Variants in ABCC4 observed in about 807,000 individuals in gnomAD.
ABCC4 encodes the protein ATP binding cassette subfamily C member 4 (PEL blood group).
In ABCC4, 102 loss-of-function variants were observed where a neutral mutation model predicts 168.5. The observed-to-expected ratio is 0.61, with a 90% CI of 0.52 to 0.71. The LOEUF (loss-of-function observed/expected upper bound fraction) is 0.71, where lower values mean the gene tolerates loss of function less well. ABCC4 is among the 30% of genes least tolerant of loss of function. ABCC4 has a pLI of 0.00. For missense variants in ABCC4, 1,402 were observed against 1,605.8 expected (o/e 0.87, Z 2.17); for synonymous variants, 617 against 590.7 (o/e 1.04, Z -0.65).
chr13:95,295,652 C>T (rs554330619), intron 1 of ABCC4, among the ~76,000 whole-genome samples: 36 of 150,190 alleles, frequency 2.4e-4, no homozygotes, highest in East Asian at 1.2e-3. Flanking sequence ...AGCAAGACTC[C>T]GTCCCCCGCC....
chr13:95,122,554 AG>A (rs892434857), intron 19 of ABCC4, among the ~76,000 whole-genome samples: 1 of 152,192 alleles, frequency 6.6e-6, no homozygotes, highest in African/African-American at 2.4e-5. Flanking sequence ...AGGAAAGAAG[AG>A]GTAGAAGAGA....
intron 27 of ABCC4, among the ~76,000 whole-genome samples, chr13:95,050,934 G>A (rs534028824): frequency 5.9e-5 from 9 of 152,256 alleles, no homozygotes; most frequent in African/African-American, 2.2e-4. Context: ...GAAACAAATA[G>A]AAAAACACTT....
chr13:95,058,594 A>AAAAAAAAAAAAAAAAAAG (rs2033163283), intron 26 of ABCC4, among the ~76,000 whole-genome samples: 5 of 41,422 alleles, frequency 1.2e-4, no homozygotes, highest in Non-Finnish European at 1.7e-4. Context: ...AAAAAAAAAG[A>AAAAAAAAAAAAAAAAAAG]AAAGAAAAAG....
chr13:95,073,259 G>A lies in ABCC4; in HGVS notation c.2963C>T (p.Thr988Met), dbSNP rs779443384. Residue 988 changes from threonine (T) to methionine (M), a missense_variant, in exon 24 of 31, where the codon ACG (threonine) becomes ATG (methionine). By Grantham distance (81) the Thr-to-Met change is moderately conservative. This residue lies in a region of ABCC4 where 1,007 missense variants were observed against 1,127.3 expected (regional missense o/e 0.89). Coordinates refer to ENST00000645237, the MANE Select transcript of ABCC4 (RefSeq NM_005845.5). ...QVGLALSYAL[T>M]LMGMFQWCVR... ...ACACCACTGAAACATCCCCATGAGC[G>A]TGAGGGCATAGGACAGTGCCAAACC... 226 of 1,613,750 alleles carry A rather than the reference G, an allele frequency of 1.4e-4. No individual in the cohort carries two copies. Among genetic ancestry groups the A allele is most frequent in the Non-Finnish European group, 1.8e-4 (218 of 1,179,898 alleles).
In ABCC4 at chr13:95,161,279, C is replaced by T. The variant is rs779403637; in HGVS notation, c.2365G>A (p.Val789Ile). ...GIARSLLVFYVLVNSSQTLHN... is the reference protein window; with the variant it reads ...GIARSLLVFYILVNSSQTLHN... ...AAAGTTTGTGAAGAGTTAACAAGGA[C>T]GTAGAATACCAATAGAGATCTTGCT... Residue 789 changes from valine (V) to isoleucine (I), a missense_variant, in exon 19 of 31, where the codon GTC (valine) becomes ATC (isoleucine). Coordinates refer to ENST00000645237, the MANE Select transcript of ABCC4 (RefSeq NM_005845.5). 1.2e-5 allele frequency: 19 copies of T among 1,608,566 alleles called. No homozygotes were observed. Among genetic ancestry groups the T allele is most frequent in the East Asian group, 4.5e-5 (2 of 44,682 alleles).
chr13:95,058,681 T>C (rs965295671), intron 26 of ABCC4, among the ~76,000 whole-genome samples: 4 of 149,814 alleles, frequency 2.7e-5, no homozygotes, highest in South Asian at 2.1e-4. Context: ...TGAAAAAAAA[T>C]TGAGCTGGAT....
At chr13:95,051,280 T>G (rs1006020297) in intron 27 of ABCC4, among the ~76,000 whole-genome samples, 4 of 152,242 alleles carry the variant, frequency 2.6e-5, no homozygotes, top group Admixed American at 6.5e-5. Flanking sequence ...GGCCTCCAAG[T>G]CTACTTGCTC....
chr13:95,238,184 A>G (rs2039828129), intron 3 of ABCC4, among the ~76,000 whole-genome samples: 1 of 133,178 alleles, frequency 7.5e-6, no homozygotes, highest in Non-Finnish European at 1.5e-5. Flanking sequence ...ACAGCACAAG[A>G]CTCCATCTCA....
intron 8 of ABCC4, among the ~76,000 whole-genome samples, chr13:95,196,599 A>C (rs1383999895): frequency 4.4e-4 from 3 of 6,894 alleles, no homozygotes; most frequent in African/African-American, 1.9e-3. Flanking sequence ...GAAGGAAGGA[A>C]GGAAGGAAGG....
chr13:95,293,028 C>T (rs577914337), intron 1 of ABCC4, among the ~76,000 whole-genome samples: 17 of 152,198 alleles, frequency 1.1e-4, no homozygotes, highest in African/African-American at 3.9e-4. Flanking sequence ...GGTGGTCATT[C>T]GCCACACGTC....
chr13:95,075,412 A>G lies in ABCC4; in HGVS notation c.2806+20T>C, dbSNP rs780666359. ...GCAGCAGATCCTGTCCTTTGAAACC[A>G]TTTCCAGAAATAGACAGACCTGAAT... On this transcript the variant is annotated intron_variant, in intron 22 of 30. Transcript: ENST00000645237. 4 of 1,613,770 alleles carry G rather than the reference A, an allele frequency of 2.5e-6. No individual in the cohort carries two copies. In the African/African-American group the frequency reaches 5.3e-5, roughly 22 times the overall value.
intron 21 of ABCC4, chr13:95,075,832 G>T: frequency 3.2e-6 from 1 of 310,826 alleles, no homozygotes; most frequent in Non-Finnish European, 5.9e-6. Flanking sequence ...TCCTAACTCA[G>T]CCTTCCAGGT....
At position 95,186,718 on chromosome 13, in the gene ABCC4, C is replaced by G; in HGVS notation, c.1528G>C (p.Ala510Pro). The G allele has an allele frequency of 6.2e-7, 1 of 1,613,798 alleles. No individual in the cohort carries two copies. The highest frequency in any genetic ancestry group is 1.1e-5 in the South Asian group (1 of 91,022). ...EKERYEKVIK[A>P]CALKKDLQLL... is the part of the protein sequence containing the mutation. ...TCACTCACCTTTTTCAGAGCACAAG[C>G]CTTTATGACTTTTTCATATCGTTCC... The change falls in exon 11 of 31, where the codon GCT becomes CCT. Residue 510 changes from alanine (A) to proline (P), a missense_variant. This residue lies in a region of ABCC4 where 1,007 missense variants were observed against 1,127.3 expected (regional missense o/e 0.89). Transcript: ENST00000645237.
Position 95,181,585 on chromosome 13 carries a change from C to T in ABCC4, c.1546-3494G>A, listed in dbSNP as rs115637720. Among the ~76,000 whole-genome samples, 450 of 152,336 alleles carry T rather than the reference C, an allele frequency of 3.0e-3. 1 individual carries two copies. The highest frequency in any genetic ancestry group is 0.011 in the African/African-American group (440 of 41,572). On this transcript the variant is annotated intron_variant, in intron 11 of 30. Transcript: ENST00000645237. ...TATGTGTGTACTCAGCTTCTTGCTC[C>T]ACAGGTCAGCTCCTGGATGTAAGAG...
chr13:95,024,496 G>T (rs962601296), intron 30 of ABCC4, among the ~76,000 whole-genome samples: 3 of 152,170 alleles, frequency 2.0e-5, no homozygotes, highest in Non-Finnish European at 2.9e-5. Context: ...AACAGAGCTA[G>T]ATTTTACTAA....
rs11568664 is a variant in ABCC4, at chr13:95,170,619, A to G, written c.1737T>C (p.Cys579=). The G allele has an allele frequency of 3.0e-5, 49 of 1,608,214 alleles. No homozygotes were observed. In the African/African-American group the frequency reaches 4.3e-4, roughly 14 times the overall value. ...TTGTGATCTTCTCATGCAAAATTTG[A>G]CAAATACACCTATAAATGTAAAAGG... ...VSRHLFELCI[C]QILHEKITIL... is the part of the protein sequence containing the mutation. The change falls in exon 14 of 31, where the codon TGT becomes TGC. Residue 579 remains cysteine (C), a synonymous_variant. Transcript: ENST00000645237.
Position 95,106,685 on chromosome 13 carries a change from C to A in ABCC4, c.2535+9237G>T, listed in dbSNP as rs529646445. Among the ~76,000 whole-genome samples the A allele has an allele frequency of 2.0e-5, 3 of 152,164 alleles. No individual in the cohort carries two copies. The East Asian group carries it at 5.8e-4, about 30-fold the overall frequency. ...AATGTGGATTGTGCATTGTCTCACACTCAGTCGATCTGTATTTTATATTAA... is the reference window on the plus strand; with the variant it reads ...AATGTGGATTGTGCATTGTCTCACAATCAGTCGATCTGTATTTTATATTAA... On this transcript the variant is annotated intron_variant, in intron 20 of 30. Transcript: ENST00000645237.
chr13:95,206,989 G>A (rs1046562085), intron 7 of ABCC4, among the ~76,000 whole-genome samples: 4 of 151,938 alleles, frequency 2.6e-5, no homozygotes, highest in East Asian at 1.9e-4. Context: ...ATCATGTGCT[G>A]GAATGCAACA....
At chr13:95,206,383 G>A in intron 8 of ABCC4, 149 bp downstream of exon 8, 1 of 1,019,960 alleles carries the variant, frequency 9.8e-7, no homozygotes, top group Non-Finnish European at 1.4e-6. Flanking sequence ...CTAAGATAGG[G>A]AAGTACACAC....
Sources: gnomAD v4.1 joint callset for allele counts (sites outside exome capture counted in the v4.1 genomes callset) on GRCh38, gnomAD v4.1.1 for gene constraint, gnomAD v4.1.1 regional missense constraint, MANE v1.5 for transcripts, NCBI Gene and HGNC (gene_info 2026-07-23, HGNC 2026-07-21) for gene names.